The following RERE variants were observed in gnomAD, a reference collection of about 807,000 sequenced individuals.
RERE encodes arginine-glutamic acid dipeptide repeats.
In RERE, 40 loss-of-function variants were observed where a neutral mutation model predicts 146.1. The observed-to-expected ratio is 0.27, with a 90% CI of 0.21 to 0.36. The LOEUF (loss-of-function observed/expected upper bound fraction) is 0.36, where lower values mean the gene tolerates loss of function less well. RERE is among the 10% of genes least tolerant of loss of function. RERE has a pLI of 1.00. For synonymous variants in RERE, 1,003 were observed against 866.0 expected (o/e 1.16, Z -2.78); for missense variants, 1,933 against 2,138.7 (o/e 0.90, Z 1.90).
intron 4 of RERE, among the ~76,000 whole-genome samples, chr1:8,565,540 C>T (rs1420837978): frequency 6.6e-6 from 1 of 152,094 alleles, no homozygotes; most frequent in Non-Finnish European, 1.5e-5. Context: ...AACCCTGTCT[C>T]TACTAAAAAT....
intron 12 of RERE, among the ~76,000 whole-genome samples, chr1:8,416,412 C>T (rs1341167067): frequency 6.6e-6 from 1 of 151,882 alleles, no homozygotes; most frequent in South Asian, 2.1e-4. Flanking sequence ...GGTGAAAACC[C>T]CGTCTCTACT....
chr1:8,449,525 A>C lies in RERE; in HGVS notation c.1203+16400T>G, dbSNP rs1644365977. 1.3e-5 allele frequency among the ~76,000 whole-genome samples: 2 copies of C among 152,220 alleles called. 1 individual carries two copies. The highest frequency in any genetic ancestry group is 4.1e-4 in the South Asian group (2 of 4,832). On this transcript the variant is annotated intron_variant, in intron 11 of 22. Coordinates refer to ENST00000400908, the MANE Select transcript of RERE (RefSeq NM_001042681.2). Reference sequence around the variant, plus strand: ...AAATGTCATGAAAAAACTTCAAAGAATCTTGTTAGAATTTAAAAATATTCT... The same window carrying C: ...AAATGTCATGAAAAAACTTCAAAGACTCTTGTTAGAATTTAAAAATATTCT...
chr1:8,621,639 A>G (rs1373467968), intron 3 of RERE, among the ~76,000 whole-genome samples: 1 of 152,242 alleles, frequency 6.6e-6, no homozygotes, highest in Non-Finnish European at 1.5e-5. Context: ...TATGATTATT[A>G]AAAAGATAAA....
intron 2 of RERE, among the ~76,000 whole-genome samples, chr1:8,654,665 G>A (rs1638227655): frequency 6.9e-6 from 1 of 144,266 alleles, no homozygotes; most frequent in South Asian, 2.2e-4. Flanking sequence ...ACAGGGTCTT[G>A]CTCTGTTGCC....
chr1:8,454,470 C>T (rs914970680), intron 11 of RERE, among the ~76,000 whole-genome samples: 3 of 152,054 alleles, frequency 2.0e-5, no homozygotes, highest in Non-Finnish European at 2.9e-5. Flanking sequence ...TTTCCCCTTC[C>T]CTTTCCTTCT....
At chr1:8,574,859 C>T (rs1646271009) in intron 4 of RERE, among the ~76,000 whole-genome samples, 2 of 152,128 alleles carry the variant, frequency 1.3e-5, no homozygotes, top group Admixed American at 1.3e-4. Context: ...GATGTGTTCA[C>T]TATATGAAAA....
chr1:8,639,372 C>T (rs1436068522), intron 2 of RERE, among the ~76,000 whole-genome samples: 1 of 152,184 alleles, frequency 6.6e-6, no homozygotes, highest in South Asian at 2.1e-4. Context: ...CAACTGCAAT[C>T]TTTAAAAAGC....
At chr1:8,704,967 C>A (rs900561163) in intron 1 of RERE, among the ~76,000 whole-genome samples, 3 of 152,218 alleles carry the variant, frequency 2.0e-5, no homozygotes, top group African/African-American at 7.2e-5. Flanking sequence ...TGCTTCATAT[C>A]CAAGTGGCTA....
rs866206232 is a variant in RERE at position 8,592,519 on chromosome 1, G to A, written c.522+22042C>T. Among the ~76,000 whole-genome samples the A allele has an allele frequency of 1.6e-4, 25 of 152,078 alleles. No homozygotes were observed. In the South Asian group the frequency reaches 2.1e-3, roughly 13 times the overall value. On this transcript the variant is annotated intron_variant, in intron 4 of 22. Coordinates refer to ENST00000400908, the MANE Select transcript of RERE (RefSeq NM_001042681.2). Reference sequence around the variant, plus strand: ...ACTCCTGGGCTCTAGTGATCCACCCGCTTCGGCCTCCCAAAGTGCTGGGAT... The same window carrying A: ...ACTCCTGGGCTCTAGTGATCCACCCACTTCGGCCTCCCAAAGTGCTGGGAT...
chr1:8,658,088 A>G (rs1437689476), intron 1 of RERE, among the ~76,000 whole-genome samples: 2 of 152,354 alleles, frequency 1.3e-5, no homozygotes, highest in East Asian at 3.9e-4. Context: ...GATATTTTAT[A>G]GCAGGAAAAA....
intron 1 of RERE, among the ~76,000 whole-genome samples, chr1:8,794,292 A>T (rs1264298151): frequency 1.5e-5 from 2 of 134,578 alleles, no homozygotes; most frequent in South Asian, 5.1e-4. Context: ...AGAATGGCAG[A>T]GCTTGTAGTG....
chr1:8,802,148 C>A (rs1015452834), intron 1 of RERE, among the ~76,000 whole-genome samples: 2 of 151,882 alleles, frequency 1.3e-5, no homozygotes, highest in Non-Finnish European at 2.9e-5. Context: ...GTCATTTAAC[C>A]CTGGTGTTAA....
chr1:8,789,295 A>ATAT (rs1464137830), intron 1 of RERE, among the ~76,000 whole-genome samples: 73 of 72,440 alleles, frequency 1.0e-3, no homozygotes, highest in African/African-American at 3.3e-3. Context: ...AAAAAAAAAA[A>ATAT]AAAAAAATAT....
intron 1 of RERE, among the ~76,000 whole-genome samples, chr1:8,788,871 A>G (rs1641308191): frequency 6.6e-6 from 1 of 151,598 alleles, no homozygotes; most frequent in Non-Finnish European, 1.5e-5. Context: ...GATTACAGTG[A>G]GGCATAAGAG....
At chr1:8,538,273 T>C (rs1429098751) in intron 7 of RERE, among the ~76,000 whole-genome samples, 1 of 152,204 alleles carries the variant, frequency 6.6e-6, no homozygotes, top group African/African-American at 2.4e-5. Context: ...CAGTACACTA[T>C]GTAGCCACGA....
At chr1:8,653,196 C>T (rs1273428482) in intron 2 of RERE, among the ~76,000 whole-genome samples, 1 of 152,126 alleles carries the variant, frequency 6.6e-6, no homozygotes, top group East Asian at 1.9e-4. Context: ...ATTTTCCACA[C>T]ATATTTGACT....
chr1:8,450,650 G>T (rs1644380134), intron 11 of RERE, among the ~76,000 whole-genome samples: 2 of 152,052 alleles, frequency 1.3e-5, no homozygotes, highest in South Asian at 4.2e-4. Context: ...GATCCACACA[G>T]AATCCCTTTT....
intron 1 of RERE, among the ~76,000 whole-genome samples, chr1:8,745,919 T>C (rs1640410932): frequency 1.3e-5 from 2 of 152,084 alleles, no homozygotes; most frequent in African/African-American, 2.4e-5. Flanking sequence ...AAATTAAAAA[T>C]TAGCCAAGCA....
At chr1:8,363,623 A>G in intron 15 of RERE, 1 of 174,440 alleles carries the variant, frequency 5.7e-6, no homozygotes, top group Admixed American at 5.5e-5. Flanking sequence ...TCTTTATGGG[A>G]GGAGCTATGC....
Sources: allele counts gnomAD v4.1 joint callset (sites outside exome capture counted in the v4.1 genomes callset), GRCh38; gene constraint gnomAD v4.1.1; transcripts MANE v1.5; gene names NCBI Gene and HGNC (gene_info 2026-07-23, HGNC 2026-07-21).